SHISA9: variants seen among roughly 807,000 people sequenced by gnomAD.
SHISA9 encodes protein shisa-9.
In SHISA9, 13 loss-of-function variants were observed where a neutral mutation model predicts 38.0. The ratio of observed to expected loss-of-function variants is 0.34; its 90% CI spans 0.22 to 0.54. The LOEUF is 0.54. SHISA9 is among the 20% of genes least tolerant of loss of function. The pLI is 0.91. For synonymous variants in SHISA9, 275 were observed against 242.0 expected (o/e 1.14, Z -1.27); for missense variants, 538 against 575.8 (o/e 0.93, Z 0.67).
the SHISA9 span, among the ~76,000 whole-genome samples, chr16:13,422,427 G>A: frequency 6.6e-6 from 1 of 152,200 alleles, no homozygotes; most frequent in African/African-American, 2.4e-5. Context: ...TGGGCGTGGT[G>A]GCTCATGCCT....
intron 2 of SHISA9, among the ~76,000 whole-genome samples, chr16:12,964,417 C>T (rs1162278744): frequency 6.7e-6 from 1 of 149,980 alleles, no homozygotes; most frequent in Non-Finnish European, 1.5e-5. Context: ...CTCAAACTGA[C>T]TTAAATAATA....
chr16:13,142,012 A>G (rs2050406213), intron 2 of SHISA9, among the ~76,000 whole-genome samples: 1 of 152,238 alleles, frequency 6.6e-6, no homozygotes, highest in Non-Finnish European at 1.5e-5. Context: ...CTCAGATTGT[A>G]GAAAGATTAC....
intron 2 of SHISA9, among the ~76,000 whole-genome samples, chr16:12,936,478 GAAGA>G (rs1184104348): frequency 1.3e-5 from 2 of 152,180 alleles, no homozygotes; most frequent in East Asian, 1.9e-4. Context: ...TGGAGGAGGG[GAAGA>G]AAGAGAGAGA....
At chr16:12,976,768 T>A (rs2072167919) in intron 2 of SHISA9, among the ~76,000 whole-genome samples, 1 of 152,026 alleles carries the variant, frequency 6.6e-6, no homozygotes, top group Non-Finnish European at 1.5e-5. Flanking sequence ...CATGGTTGAG[T>A]TAGCCCTGCC....
At chr16:13,295,857 G>T in the SHISA9 span, among the ~76,000 whole-genome samples, 1 of 152,168 alleles carries the variant, frequency 6.6e-6, no homozygotes, top group African/African-American at 2.4e-5. Flanking sequence ...TCAAAGGAAG[G>T]AGCATTGATT....
At chr16:13,475,630 G>T in the SHISA9 span, among the ~76,000 whole-genome samples, 1 of 152,074 alleles carries the variant, frequency 6.6e-6, no homozygotes, top group African/African-American at 2.4e-5. Flanking sequence ...CCAGGTTGTT[G>T]GGGGATGGTT....
chr16:13,086,623 T>C (rs2073713767), intron 2 of SHISA9, among the ~76,000 whole-genome samples: 1 of 151,788 alleles, frequency 6.6e-6, no homozygotes, highest in South Asian at 2.1e-4. Context: ...CTAGTGAAAA[T>C]GGAGACAGGG....
chr16:13,424,641 A>G, the SHISA9 span, among the ~76,000 whole-genome samples: 29 of 152,376 alleles, frequency 1.9e-4, 1 homozygote, highest in African/African-American at 7.0e-4. Context: ...AGAGCTCAGA[A>G]AACTTTTATA....
At chr16:12,970,324 TACATATATATATATATATAC>T (rs2072038711) in intron 2 of SHISA9, among the ~76,000 whole-genome samples, 3 of 75,056 alleles carry the variant, frequency 4.0e-5, no homozygotes, top group African/African-American at 1.7e-4. Flanking sequence ...GGGGTATATA[TACATATATATATATATATAC>T]ATATATGTGT....
intron 2 of SHISA9, among the ~76,000 whole-genome samples, chr16:13,051,887 C>G (rs369444012): frequency 3.3e-5 from 5 of 152,122 alleles, no homozygotes; most frequent in African/African-American, 9.6e-5. Context: ...GCCTCAGTCT[C>G]CTGAGTAGCT....
At position 13,097,630 on chromosome 16, in the gene SHISA9, C is replaced by G. The variant is rs571402613; in HGVS notation, c.692-105764C>G. Reference sequence around the variant, plus strand: ...TGTTATCCAGGCTGGGCTTGAACTCCTGGCTTCAAGTGATTCTCCTGCCTT... The same window carrying G: ...TGTTATCCAGGCTGGGCTTGAACTCGTGGCTTCAAGTGATTCTCCTGCCTT... On this transcript the variant is annotated intron_variant, in intron 2 of 4. Transcript: ENST00000558583. Among the ~76,000 whole-genome samples, 11 of 152,250 alleles carry G rather than the reference C, an allele frequency of 7.2e-5. No homozygotes were observed. The South Asian group carries it at 2.3e-3, about 32-fold the overall frequency.
At chr16:13,348,929 C>G in the SHISA9 span, among the ~76,000 whole-genome samples, 1 of 152,212 alleles carries the variant, frequency 6.6e-6, no homozygotes, top group South Asian at 2.1e-4. Context: ...ACTAACATCC[C>G]CCTTTGCCAG....
chr16:13,171,045 G>T (rs1021561569), intron 2 of SHISA9, among the ~76,000 whole-genome samples: 1 of 152,220 alleles, frequency 6.6e-6, no homozygotes, highest in Non-Finnish European at 1.5e-5. Flanking sequence ...AAGAAGCATG[G>T]TGCTGGCATC....
chr16:13,254,773 A>G, the SHISA9 span, among the ~76,000 whole-genome samples: 116 of 152,330 alleles, frequency 7.6e-4, 1 homozygote, highest in Non-Finnish European at 1.1e-3. Flanking sequence ...CTTGGGGCAA[A>G]GTGAAAGCAC....
At chr16:13,003,607 C>A (rs2072553472) in intron 2 of SHISA9, among the ~76,000 whole-genome samples, 1 of 152,134 alleles carries the variant, frequency 6.6e-6, no homozygotes, top group Admixed American at 6.5e-5. Context: ...CCTGTAATCC[C>A]AGCATTTTGG....
intron 2 of SHISA9, among the ~76,000 whole-genome samples, chr16:13,143,547 C>T (rs915169642): frequency 5.9e-5 from 9 of 152,138 alleles, no homozygotes; most frequent in Admixed American, 3.3e-4. Flanking sequence ...ATTTCCCTAC[C>T]GTGCTCCCCA....
intron 2 of SHISA9, among the ~76,000 whole-genome samples, chr16:13,161,960 T>C (rs1048465290): frequency 6.6e-6 from 1 of 152,250 alleles, no homozygotes; most frequent in Non-Finnish European, 1.5e-5. Flanking sequence ...AATGATCTTA[T>C]GGCTGTTCTT....
At chr16:13,082,759 G>A (rs1052239967) in intron 2 of SHISA9, among the ~76,000 whole-genome samples, 2 of 152,184 alleles carry the variant, frequency 1.3e-5, no homozygotes, top group Non-Finnish European at 2.9e-5. Flanking sequence ...CTTTGCAATG[G>A]TAGTTTGTAC....
chr16:13,477,869 G>T, the SHISA9 span, among the ~76,000 whole-genome samples: 1 of 152,296 alleles, frequency 6.6e-6, no homozygotes, highest in South Asian at 2.1e-4. Context: ...GGAGGCTGAG[G>T]CAGGAGAATG....
Sources: gnomAD v4.1 joint callset for allele counts (sites outside exome capture counted in the v4.1 genomes callset) on GRCh38, gnomAD v4.1.1 for gene constraint, MANE v1.5 for transcripts, NCBI Gene and HGNC (gene_info 2026-07-23, HGNC 2026-07-21) for gene names.